RANBP2: variants seen among roughly 807,000 people sequenced by gnomAD.
RANBP2 encodes the protein E3 SUMO-protein ligase RanBP2.
RANBP2 carries 57 observed loss-of-function variants against 303.6 expected under a neutral mutation model. The ratio of observed to expected loss-of-function variants is 0.19; its 90% confidence interval spans 0.15 to 0.23. RANBP2 has a LOEUF of 0.23. RANBP2 is among the 10% of genes least tolerant of loss of function. The probability of loss-of-function intolerance (pLI) is 1.00; values close to 1 mark genes in which losing one functional copy is unlikely to be tolerated. For synonymous variants in RANBP2, 1,167 were observed against 1,301.5 expected, an observed-to-expected ratio of 0.90 and a Z score of 2.23; for missense variants, 3,138 against 3,780.8, an observed-to-expected ratio of 0.83 and a Z score of 4.46.
the RANBP2 span, among the ~76,000 whole-genome samples, chr2:109,730,738 T>C: frequency 6.6e-6 from 1 of 150,472 alleles, no homozygotes; most frequent in Non-Finnish European, 1.5e-5. Flanking sequence ...CCTCACATAG[T>C]GGAAAAGTTG....
chr2:109,387,252 G>A, the RANBP2 span, among the ~76,000 whole-genome samples: 3 of 152,176 alleles, frequency 2.0e-5, no homozygotes, highest in Admixed American at 6.5e-5. Context: ...CATGATTGCA[G>A]TAGCTTCCAA....
chr2:109,723,667 C>A, the RANBP2 span, among the ~76,000 whole-genome samples: 1 of 152,028 alleles, frequency 6.6e-6, no homozygotes. Context: ...GGACATTAGA[C>A]CTTTGTCAGA....
the RANBP2 span, chr2:109,504,705 C>G: frequency 6.6e-6 from 1 of 152,306 alleles, no homozygotes; most frequent in Non-Finnish European, 1.5e-5. Flanking sequence ...GGAGCAGAAC[C>G]TGAAGGTTTG....
chr2:109,185,927 T>TGGCCCTG, the RANBP2 span, among the ~76,000 whole-genome samples: 345 of 152,336 alleles, frequency 2.3e-3, no homozygotes, highest in African/African-American at 7.7e-3. Flanking sequence ...CTGGGACGGC[T>TGGCCCTG]GGCCCTGTGC....
the RANBP2 span, among the ~76,000 whole-genome samples, chr2:109,144,708 T>G: frequency 1.3e-5 from 2 of 152,350 alleles, no homozygotes; most frequent in South Asian, 4.1e-4. Flanking sequence ...GTTGGGCCAC[T>G]CCCAGGCCCA....
the RANBP2 span, among the ~76,000 whole-genome samples, chr2:109,042,176 A>G: frequency 6.6e-6 from 1 of 152,164 alleles, no homozygotes; most frequent in Non-Finnish European, 1.5e-5. Flanking sequence ...GTCTCAGAGC[A>G]TTGCACTCAG....
At chr2:109,689,222 A>G in the RANBP2 span, among the ~76,000 whole-genome samples, 6 of 152,090 alleles carry the variant, frequency 3.9e-5, no homozygotes, top group African/African-American at 1.4e-4. Context: ...GACATTTTCT[A>G]GGAACCTGTT....
At chr2:109,342,030 G>A in the RANBP2 span, among the ~76,000 whole-genome samples, 1 of 152,226 alleles carries the variant, frequency 6.6e-6, no homozygotes, top group Admixed American at 6.5e-5. Flanking sequence ...ACCCGCCGGG[G>A]CCTATGGACG....
the RANBP2 span, among the ~76,000 whole-genome samples, chr2:109,075,643 T>C: frequency 6.9e-6 from 1 of 144,984 alleles, no homozygotes; most frequent in East Asian, 2.0e-4. Context: ...GAGAAGACAT[T>C]ACAATGGATA....
chr2:109,501,718 G>T, the RANBP2 span: 1 of 715,140 alleles, frequency 1.4e-6, no homozygotes. Flanking sequence ...AGGCCGCCTG[G>T]GAAGCTCCAC....
chr2:109,129,077 G>A, the RANBP2 span: 2 of 378,430 alleles, frequency 5.3e-6, no homozygotes, highest in Non-Finnish European at 1.0e-5. Context: ...AGGTGCCGCG[G>A]GGGCGGTGCG....
the RANBP2 span, among the ~76,000 whole-genome samples, chr2:108,803,232 C>T: frequency 4.5e-3 from 681 of 152,266 alleles, 4 homozygotes; most frequent in African/African-American, 0.016. Context: ...GTCCTGTGCC[C>T]GCCTGAGCGG....
chr2:109,512,243 C>A, the RANBP2 span, among the ~76,000 whole-genome samples: 3 of 152,182 alleles, frequency 2.0e-5, no homozygotes, highest in African/African-American at 4.8e-5. Context: ...TGCATGCATG[C>A]CTTGGTGACT....
the RANBP2 span, among the ~76,000 whole-genome samples, chr2:109,326,293 T>C: frequency 6.6e-6 from 1 of 152,248 alleles, no homozygotes; most frequent in Non-Finnish European, 1.5e-5. Flanking sequence ...GTACAGTTTT[T>C]CATGGATCTG....
At chr2:109,401,551 T>C in the RANBP2 span, among the ~76,000 whole-genome samples, 1 of 152,128 alleles carries the variant, frequency 6.6e-6, no homozygotes, top group African/African-American at 2.4e-5. Flanking sequence ...AATTTGTGAG[T>C]AATATGTCCA....
chr2:109,427,140 C>T, the RANBP2 span, among the ~76,000 whole-genome samples: 6 of 151,924 alleles, frequency 3.9e-5, no homozygotes, highest in African/African-American at 1.2e-4. Context: ...GGCTAATTTT[C>T]GTCTTTTTAG....
the RANBP2 span, among the ~76,000 whole-genome samples, chr2:109,680,001 C>A: frequency 6.6e-6 from 1 of 151,666 alleles, no homozygotes; most frequent in African/African-American, 2.4e-5. Flanking sequence ...AGACAGCGGG[C>A]AGTTTCGTTT....
the RANBP2 span, chr2:108,873,387 A>T: frequency 1.4e-6 from 2 of 1,383,030 alleles, no homozygotes; most frequent in Non-Finnish European, 1.9e-6. Flanking sequence ...TCTGATTTTA[A>T]TTTGTTTTTA....
chr2:109,002,524 G>A, the RANBP2 span, among the ~76,000 whole-genome samples: 3 of 152,042 alleles, frequency 2.0e-5, no homozygotes, highest in Non-Finnish European at 2.9e-5. Flanking sequence ...ACTGCCCTTG[G>A]AATAAAGTCC....
Sources: allele counts gnomAD v4.1 joint callset (sites outside exome capture counted in the v4.1 genomes callset), GRCh38; gene constraint gnomAD v4.1.1; transcripts MANE v1.5; gene names NCBI Gene and HGNC (gene_info 2026-07-23, HGNC 2026-07-21).